The following CARD9 variants were observed in gnomAD, a reference collection of about 807,000 sequenced individuals.
The protein encoded by CARD9 is caspase recruitment domain family member 9, also known as caspase recruitment domain-containing protein 9.
In CARD9, 53 loss-of-function variants were observed where a neutral mutation model predicts 66.0. The ratio of observed to expected loss-of-function variants is 0.80; its 90% CI spans 0.64 to 1.01. The LOEUF is 1.01. CARD9 is among the 50% of genes least tolerant of loss of function. The pLI, the probability that CARD9 is intolerant of heterozygous loss-of-function variation, is 0.00. For synonymous variants in CARD9, 387 were observed against 313.8 expected (o/e 1.23, Z -2.47); for missense variants, 769 against 743.2 (o/e 1.03, Z -0.40).
At chr9:136,364,446 A>T (rs749049397) in intron 12 of CARD9, 37 bp downstream of exon 12, 1 of 1,541,368 alleles carries the variant, frequency 6.5e-7, no homozygotes, top group South Asian at 1.2e-5. Context: ...GCCGCTCCCC[A>T]GCCCGTTTTG....
intron 11 of CARD9, 111 bp from the exon 12 acceptor site, chr9:136,364,670 C>T: frequency 9.3e-7 from 1 of 1,078,398 alleles, no homozygotes; most frequent in East Asian, 2.6e-5. Flanking sequence ...AGGCGAGGAG[C>T]CCAGACAGCC....
intron 10 of CARD9, 126 bp from the exon 11 acceptor site, chr9:136,365,343 G>A: frequency 1.2e-6 from 1 of 838,164 alleles, no homozygotes. Flanking sequence ...CCCCACATGG[G>A]TCCAGTGTAG....
In CARD9 at chr9:136,371,320, T is replaced by A. The variant is rs561481612; in HGVS notation, c.322+4A>T. 2 of 1,601,382 alleles carry A rather than the reference T, an allele frequency of 1.2e-6. No homozygotes were observed. Among genetic ancestry groups the A allele is most frequent in the African/African-American group, 2.7e-5 (2 of 74,830 alleles). On this transcript the variant is annotated splice_donor_region_variant and intron_variant, in intron 3 of 12. Transcript: ENST00000371732. ...CTGTCGGCCCCGCCTCCCCCGTCAC[T>A]CACCGATGATCATGGAGAAGACGCG...
In CARD9 at chr9:136,364,282, C is replaced by T. The variant is rs1052750773; in HGVS notation, c.*20G>A. 6.4e-7 allele frequency: 1 copy of T among 1,551,998 alleles called. No individual in the cohort carries two copies. The highest frequency in any genetic ancestry group is 8.7e-7 in the Non-Finnish European group (1 of 1,147,574). ...GCCGGGCCGGTGGGTGTGCCCTGGT[C>T]GGGGCCTGCGCTGCTGCGGCTAGGA... On this transcript the variant is annotated 3_prime_UTR_variant, in exon 13 of 13. Transcript: ENST00000371732.
Position 136,370,532 on chromosome 9 carries a change from G to A in CARD9, c.797C>T (p.Ala266Val), listed in dbSNP as rs765298420. The change falls in exon 5 of 13, where the codon GCC (alanine) becomes GTC (valine). Residue 266 changes from alanine to valine, a missense_variant. Transcript: ENST00000371732. ...LLQARVQELE[A>V]SVQEGKLDRS... ...TGCCTACGGCCCCACCTGGACGGAG[G>A]CCTCCAGCTCCTGCACCCGGGCCTG... 1.9e-6 allele frequency: 3 copies of A among 1,601,010 alleles called. No homozygotes were observed. The highest frequency in any genetic ancestry group is 3.4e-5 in the Admixed American group (2 of 58,478).
In CARD9 at chr9:136,370,365, G is replaced by A. The variant is rs1452844397; in HGVS notation, c.880C>T (p.His294Tyr). The change falls in exon 6 of 13, where the codon CAC becomes TAC. Residue 294 changes from histidine (H) to tyrosine (Y), a missense_variant. His to Tyr is a moderately conservative substitution (Grantham distance 83). Coordinates refer to ENST00000371732, the MANE Select transcript of CARD9 (RefSeq NM_052813.5). ...AAGATGGTGTTGGCCTGCTCCTGGT[G>A]GTCCCGCAGCGCCTGCCGCCAGTCC... is the stretch of plus-strand genomic sequence containing the variant. Reference protein sequence around the residue: ...EEDWRQALRDHQEQANTIFSL... With the variant: ...EEDWRQALRDYQEQANTIFSL... The A allele has an allele frequency of 6.2e-7, 1 of 1,609,962 alleles. No individual in the cohort carries two copies. Among genetic ancestry groups the A allele is most frequent in the Non-Finnish European group, 8.5e-7 (1 of 1,179,110 alleles).
chr9:136,371,206 C>T, intron 3 of CARD9, 61 bp from the exon 4 acceptor site: 1 of 1,599,220 alleles, frequency 6.3e-7, no homozygotes, highest in African/African-American at 1.3e-5. Context: ...TCCATCACGC[C>T]CTGCGCTGTG....
rs770526507 is a variant in CARD9 at position 136,371,880 on chromosome 9, C to T, written c.184+15G>A. On this transcript the variant is annotated intron_variant, in intron 2 of 12. Coordinates refer to ENST00000371732, the MANE Select transcript of CARD9 (RefSeq NM_052813.5). ...GGTTGGGTTTGGGGCCTGGGGCCCG[C>T]GGGGCAACACTGACCCACTTTCCGT... 2.3e-5 allele frequency: 37 copies of T among 1,581,386 alleles called. No homozygotes were observed. Among genetic ancestry groups the T allele is most frequent in the Admixed American group, 2.2e-4 (13 of 58,852 alleles).
At chr9:136,366,115 G>C (rs937942938) in intron 10 of CARD9, 2 of 153,412 alleles carry the variant, frequency 1.3e-5, no homozygotes, top group African/African-American at 4.8e-5. Context: ...CCCTCTGCTG[G>C]GCCCTCCCCA....
rs1234421158 is a variant in CARD9, at chr9:136,370,144, G to A, written c.951+150C>T. 2.1e-6 allele frequency: 3 copies of A among 1,451,998 alleles called. No individual in the cohort carries two copies. The East Asian group carries it at 7.5e-5, about 36-fold the overall frequency. 89.9% of individuals were successfully genotyped at this position (1,451,998 alleles called of 1,614,324 possible). On this transcript the variant is annotated intron_variant, in intron 6 of 12. Transcript: ENST00000371732. Reference sequence around the variant, plus strand: ...TGGGGGGCAGGCGGGCAAGGAGAGGGCACCGTCCACTGTGCCTCCAGGAGT... The same window carrying A: ...TGGGGGGCAGGCGGGCAAGGAGAGGACACCGTCCACTGTGCCTCCAGGAGT...
chr9:136,370,285 CCCT>C lies in CARD9; in HGVS notation c.951+6_951+8del, dbSNP rs755473539. The C allele has an allele frequency of 5.6e-6, 9 of 1,594,856 alleles. No individual in the cohort carries two copies. The African/African-American group carries it at 8.4e-5, about 15-fold the overall frequency. Reference sequence around the variant, plus strand: ...CCCAGGGGCCATGTCTCCCCGCCTGCCCTCCTACCCGGAGGCGTCGGGCCTCGC... The same window carrying C: ...CCCAGGGGCCATGTCTCCCCGCCTGCCCTACCCGGAGGCGTCGGGCCTCGC... On this transcript the variant is annotated splice_donor_region_variant and intron_variant, in intron 6 of 12. Transcript: ENST00000371732.
chr9:136,370,539 G>A lies in CARD9; in HGVS notation c.790C>T (p.Leu264=), dbSNP rs552014515. ...GGCCCCACCTGGACGGAGGCCTCCA[G>A]CTCCTGCACCCGGGCCTGGAGCAGG... ...KALLQARVQE[L]EASVQEGKLD... The change falls in exon 5 of 13, where the codon CTG becomes TTG. Residue 264 remains leucine, a synonymous_variant. Transcript: ENST00000371732. 1.9e-5 allele frequency: 30 copies of A among 1,603,132 alleles called. No homozygotes were observed. The African/African-American group carries it at 2.8e-4, about 15-fold the overall frequency.
chr9:136,371,615 C>T (rs908221863), intron 2 of CARD9, among the ~76,000 whole-genome samples, 154 bp from the exon 3 acceptor site: 1 of 152,276 alleles, frequency 6.6e-6, no homozygotes, highest in South Asian at 2.1e-4. Context: ...GGTCTTGGTA[C>T]TAGGCTGGGG....
rs189645633 is a variant in CARD9, at chr9:136,369,820, G to A, written c.1007C>T (p.Ser336Phe). Residue 336 changes from serine to phenylalanine, a missense_variant, in exon 7 of 13, where the codon TCC (serine) becomes TTC (phenylalanine). Ser to Phe is a radical substitution (Grantham distance 155). Coordinates refer to ENST00000371732, the MANE Select transcript of CARD9 (RefSeq NM_052813.5). The stretch of plus-strand genomic sequence containing the variant: ...CTCGATGCGGTCCTTGTACATCTTG[G>A]AGTCCTTACGTAGTGCCAGGCACTG... ...ELQCLALRKD[S>F]KMYKDRIEAI... 560 of 1,612,902 alleles carry A rather than the reference G, an allele frequency of 3.5e-4. No homozygotes were observed. The highest frequency in any genetic ancestry group is 4.6e-4 in the Non-Finnish European group (547 of 1,179,996).
chr9:136,366,452 G>T, intron 10 of CARD9: 1 of 381,776 alleles, frequency 2.6e-6, no homozygotes, highest in South Asian at 3.0e-5. Context: ...CCAGGACTGG[G>T]CCTGCTCACC....
intron 7 of CARD9, 72 bp from the exon 8 acceptor site, chr9:136,367,900 C>T (rs1833165922): frequency 6.7e-7 from 1 of 1,501,892 alleles, no homozygotes; most frequent in Non-Finnish European, 8.9e-7. Flanking sequence ...CCCGGCCGCC[C>T]AACTCCAAGC....
At chr9:136,365,319 A>G (rs1485418802) in intron 10 of CARD9, 102 bp from the exon 11 acceptor site, 16 of 1,124,262 alleles carry the variant, frequency 1.4e-5, no homozygotes, top group Middle Eastern at 4.7e-4. Flanking sequence ...CTGTCTTCCA[A>G]GGCCTGGTGG....
At chr9:136,372,426 C>A (rs1432937588) in intron 1 of CARD9, among the ~76,000 whole-genome samples, 1 of 152,226 alleles carries the variant, frequency 6.6e-6, no homozygotes, top group Non-Finnish European at 1.5e-5. Flanking sequence ...GAGGAACTCC[C>A]CCTACAGCAT....
intron 2 of CARD9, among the ~76,000 whole-genome samples, 177 bp downstream of exon 2, chr9:136,371,718 G>A (rs907821192): frequency 6.6e-6 from 1 of 152,234 alleles, no homozygotes; most frequent in Non-Finnish European, 1.5e-5. Flanking sequence ...AAGCCGGCAG[G>A]AGAGGCTGGG....
Sources: allele counts gnomAD v4.1 joint callset (sites outside exome capture counted in the v4.1 genomes callset), GRCh38; gene constraint gnomAD v4.1.1; transcripts MANE v1.5; gene names NCBI Gene and HGNC (gene_info 2026-07-23, HGNC 2026-07-21).